CDH13: variants seen among roughly 807,000 people sequenced by gnomAD.
CDH13 encodes cadherin-13.
Under a neutral mutation model 63.8 loss-of-function variants are expected in CDH13, and 24 were observed. The observed-to-expected ratio is 0.38, with a 90% CI of 0.27 to 0.53. The LOEUF is 0.53. Among genes scored for constraint, CDH13 ranks in the 20% least tolerant of loss-of-function variants. The pLI is 0.85. For missense variants in CDH13, 1,049 were observed against 903.1 expected, an observed-to-expected ratio of 1.16 and a Z score of -2.07; for synonymous variants, 503 against 355.3, an observed-to-expected ratio of 1.42 and a Z score of -4.67.
At chr16:83,726,575 C>A (rs1467433065) in intron 10 of CDH13, among the ~76,000 whole-genome samples, 1 of 152,176 alleles carries the variant, frequency 6.6e-6, no homozygotes, top group African/African-American at 2.4e-5. Flanking sequence ...GTGGCTCACG[C>A]CTGTAATCCC....
chr16:82,935,550 A>T (rs1035205031), intron 2 of CDH13, among the ~76,000 whole-genome samples: 7 of 152,198 alleles, frequency 4.6e-5, no homozygotes, highest in African/African-American at 1.7e-4. Flanking sequence ...GAAAAAAGTA[A>T]AAAGGACCTA....
chr16:82,826,184 C>G (rs1033196576), intron 1 of CDH13: 2 of 152,142 alleles, frequency 1.3e-5, no homozygotes, highest in African/African-American at 4.8e-5. Context: ...GCATTGTCTA[C>G]TAACAGGAGA....
At position 83,665,903 on chromosome 16, in the gene CDH13, C is replaced by G. The variant is rs78268524; in HGVS notation, c.1102-4887C>G. Among the ~76,000 whole-genome samples, 510 of 152,290 alleles carry G rather than the reference C, an allele frequency of 3.3e-3. 7 individuals carry two copies. The highest frequency in any genetic ancestry group is 0.012 in the African/African-American group (491 of 41,560). On this transcript the variant is annotated intron_variant, in intron 8 of 13. Transcript: ENST00000567109. ...AGTCCCTCTTCCTACTTGTGATTGT[C>G]TTTGTGGCTCATCCAGGCAGCCTCA...
At chr16:83,692,243 T>C (rs920795627) in intron 10 of CDH13, among the ~76,000 whole-genome samples, 2 of 152,234 alleles carry the variant, frequency 1.3e-5, no homozygotes, top group Admixed American at 6.5e-5. Context: ...TCATTGCTGA[T>C]AGCCACAGCA....
At chr16:83,509,747 TAA>T (rs2074512653) in intron 7 of CDH13, among the ~76,000 whole-genome samples, 1 of 152,222 alleles carries the variant, frequency 6.6e-6, no homozygotes, top group Non-Finnish European at 1.5e-5. Flanking sequence ...TAATAAAAAC[TAA>T]GTTTTATTAA....
At chr16:83,643,783 T>G (rs560689635) in intron 8 of CDH13, among the ~76,000 whole-genome samples, 13 of 152,198 alleles carry the variant, frequency 8.5e-5, no homozygotes, top group Non-Finnish European at 1.6e-4. Context: ...GTACTGCAAA[T>G]TCATAGTTTA....
chr16:83,057,943 G>A (rs541107234), intron 3 of CDH13, among the ~76,000 whole-genome samples: 1 of 152,112 alleles, frequency 6.6e-6, no homozygotes, highest in East Asian at 1.9e-4. Flanking sequence ...AAATGGGGTC[G>A]GGGAAATGTC....
chr16:82,812,946 A>G (rs1248675720), intron 1 of CDH13, among the ~76,000 whole-genome samples: 1 of 152,000 alleles, frequency 6.6e-6, no homozygotes, highest in Non-Finnish European at 1.5e-5. Flanking sequence ...AAAGCTTCTG[A>G]GAAGGTGGGA....
At chr16:83,238,883 G>A (rs1259518160) in intron 5 of CDH13, among the ~76,000 whole-genome samples, 3 of 152,184 alleles carry the variant, frequency 2.0e-5, no homozygotes, top group Non-Finnish European at 4.4e-5. Flanking sequence ...CTTCTGTCCT[G>A]ATGTTAGTTG....
chr16:83,245,313 C>G (rs1904882548), intron 5 of CDH13, among the ~76,000 whole-genome samples: 1 of 152,086 alleles, frequency 6.6e-6, no homozygotes, highest in Non-Finnish European at 1.5e-5. Flanking sequence ...GACATCAGTC[C>G]TATTCAATGT....
At chr16:82,994,260 C>G (rs770216874) in intron 2 of CDH13, among the ~76,000 whole-genome samples, 1 of 152,208 alleles carries the variant, frequency 6.6e-6, no homozygotes, top group Non-Finnish European at 1.5e-5. Context: ...GGATGGGCCT[C>G]TTTATAGCTA....
chr16:83,516,274 G>A (rs2074697376), intron 7 of CDH13, among the ~76,000 whole-genome samples: 1 of 152,186 alleles, frequency 6.6e-6, no homozygotes, highest in South Asian at 2.1e-4. Context: ...TTTGGGGAGT[G>A]TGGCTCCATT....
chr16:82,879,855 A>G (rs1371487817), intron 2 of CDH13, among the ~76,000 whole-genome samples: 1 of 142,554 alleles, frequency 7.0e-6, no homozygotes, highest in Non-Finnish European at 1.5e-5. Context: ...ATTTGTGAAT[A>G]TATAATAGAT....
intron 3 of CDH13, among the ~76,000 whole-genome samples, chr16:83,123,717 T>A (rs1179617412): frequency 6.6e-6 from 1 of 152,228 alleles, no homozygotes; most frequent in African/African-American, 2.4e-5. Context: ...TTTGTGTATA[T>A]ACCTGGTAGT....
intron 3 of CDH13, among the ~76,000 whole-genome samples, chr16:83,107,706 T>A (rs1249020339): frequency 6.6e-6 from 1 of 151,230 alleles, no homozygotes; most frequent in Non-Finnish European, 1.5e-5. Flanking sequence ...TTCTGGAGCA[T>A]TTGCGTAGTG....
In CDH13 at chr16:83,061,606, G is replaced by A. The variant is rs148472517; in HGVS notation, c.366+29388G>A. On this transcript the variant is annotated intron_variant, in intron 3 of 13. Transcript: ENST00000567109. ...CAGCAGAGGATTCAGGGCACCCAAT[G>A]CAAAATTGTCACCAAATGACTGTGA... Among the ~76,000 whole-genome samples the A allele has an allele frequency of 3.3e-5, 5 of 152,260 alleles. No individual in the cohort carries two copies. The East Asian group carries it at 9.7e-4, about 29-fold the overall frequency.
chr16:83,213,806 G>A (rs537817200), intron 4 of CDH13, among the ~76,000 whole-genome samples: 1 of 152,260 alleles, frequency 6.6e-6, no homozygotes, highest in East Asian at 1.9e-4. Context: ...TTTCTTAGAA[G>A]AGGATGGTAA....
At chr16:83,334,338 C>T (rs1204127630) in intron 5 of CDH13, among the ~76,000 whole-genome samples, 19 of 79,784 alleles carry the variant, frequency 2.4e-4, no homozygotes, top group Non-Finnish European at 4.4e-4. Context: ...CTCTCCCTTT[C>T]TCCCTCTCTC....
intron 10 of CDH13, among the ~76,000 whole-genome samples, chr16:83,694,981 C>T (rs1905237159): frequency 1.3e-5 from 2 of 152,104 alleles, no homozygotes; most frequent in African/African-American, 4.8e-5. Context: ...CTGAGGTGGG[C>T]AGATCACTTG....
Sources: allele counts gnomAD v4.1 joint callset (sites outside exome capture counted in the v4.1 genomes callset), GRCh38; gene constraint gnomAD v4.1.1; transcripts MANE v1.5; gene names NCBI Gene and HGNC (gene_info 2026-07-23, HGNC 2026-07-21).